GTPBP1: variants seen among roughly 807,000 people sequenced by gnomAD.
GTPBP1 encodes the protein GTP binding protein 1.
In GTPBP1, 23 loss-of-function variants were observed where a neutral mutation model predicts 62.0. The observed-to-expected ratio is 0.37, with a 90% CI of 0.27 to 0.53. The LOEUF (loss-of-function observed/expected upper bound fraction) is 0.53, where lower values mean the gene tolerates loss of function less well. Among genes scored for constraint, GTPBP1 ranks in the 20% least tolerant of loss-of-function variants. GTPBP1 has a pLI of 0.89. For synonymous variants in GTPBP1, 344 were observed against 364.4 expected, an observed-to-expected ratio of 0.94 and a Z score of 0.64; for missense variants, 640 against 917.3, an observed-to-expected ratio of 0.70 and a Z score of 3.90.
At position 38,728,058 on chromosome 22, in the gene GTPBP1, C is replaced by T; in HGVS notation, c.1613C>T (p.Ala538Val). 1 of 1,612,410 alleles carries T rather than the reference C, an allele frequency of 6.2e-7. No homozygotes were observed. The highest frequency in any genetic ancestry group is 8.5e-7 in the Non-Finnish European group (1 of 1,178,448). Reference sequence around the variant, plus strand: ...GACTGTCTGCGCACTGGGGACAAGGCCACTGTACACTTCCGCTTCATCAAG... The same window carrying T: ...GACTGTCTGCGCACTGGGGACAAGGTCACTGTACACTTCCGCTTCATCAAG... ...DKDCLRTGDK[A>V]TVHFRFIKTP... The change falls in exon 10 of 12, where the codon GCC becomes GTC. Residue 538 changes from alanine to valine, a missense_variant. By Grantham distance (64) the Ala-to-Val change is moderately conservative. Coordinates refer to ENST00000216044, the MANE Select transcript of GTPBP1 (RefSeq NM_004286.5).
At chr22:38,734,337 G>A (rs923228856), downstream of GTPBP1, 4 of 458,988 alleles carry the variant, frequency 8.7e-6, no homozygotes, top group African/African-American at 8.2e-5. Context: ...CAGGTCCAAG[G>A]GGCAAATAGC....
At chr22:38,738,678 A>G, downstream of GTPBP1, 1 of 1,613,866 alleles carries the variant, frequency 6.2e-7, no homozygotes, top group Non-Finnish European at 8.5e-7. The surrounding 1 kb of genome is among the most constrained non-coding windows in gnomAD (Gnocchi z 6.6). Flanking sequence ...TGTGGGGCGG[A>G]TGCGGGCAGA....
chr22:38,710,619 CA>C (rs149965335), intron 2 of GTPBP1, among the ~76,000 whole-genome samples: 27 of 145,874 alleles, frequency 1.9e-4, no homozygotes, highest in East Asian at 4.0e-4. Context: ...ATGCCAGGTT[CA>C]AAAAAAAAAC....
downstream of GTPBP1, chr22:38,735,012 G>A (rs1029981577): frequency 2.4e-5 from 7 of 289,128 alleles, no homozygotes; most frequent in South Asian, 8.4e-5. Context: ...CCCTCTCCAC[G>A]GCCAGGAACA....
In GTPBP1 at chr22:38,716,188, A is replaced by G. The variant is rs2092669437; in HGVS notation, c.485+101A>G. 1.0e-6 allele frequency: 1 copy of G among 957,140 alleles called. No individual in the cohort carries two copies. Among genetic ancestry groups the G allele is most frequent in the African/African-American group, 1.7e-5 (1 of 60,372 alleles). 59.3% of individuals were successfully genotyped at this position (957,140 alleles called of 1,614,324 possible). A position where few individuals can be genotyped will look rare whatever the true frequency, so the allele number is the denominator to read the frequency against. On this transcript the variant is annotated intron_variant, in intron 3 of 11. Transcript: ENST00000216044. The surrounding 1 kb of genome is among the most constrained non-coding windows in gnomAD (Gnocchi z 5.2). The stretch of plus-strand genomic sequence containing the variant: ...GTCAGCTCCATCCTTTCCCCTCCTG[A>G]GGCGGGGAAAGAGTGTCCAGGTGTC...
At chr22:38,717,559 C>T (rs1030001682) in intron 4 of GTPBP1, among the ~76,000 whole-genome samples, 3 of 152,204 alleles carry the variant, frequency 2.0e-5, no homozygotes, top group Non-Finnish European at 4.4e-5. Context: ...ATGAACAGGG[C>T]TGTCCAGAGG....
Position 38,716,910 on chromosome 22 carries a change from T to C in GTPBP1, c.744T>C (p.Ile248=). 2 of 1,614,086 alleles carry C rather than the reference T, an allele frequency of 1.2e-6. No homozygotes were observed. The change falls in exon 4 of 12, where the codon ATT becomes ATC. Residue 248 remains isoleucine (I), a synonymous_variant. Coordinates refer to ENST00000216044, the MANE Select transcript of GTPBP1 (RefSeq NM_004286.5). This position sits in a 1 kb window ranked among gnomAD's most constrained non-coding sequence, Gnocchi z 5.2. ...TKICEKSTKV[I]TFIDLAGHEK... Reference sequence around the variant, plus strand: ...TCTGTGAGAAGTCCACGAAAGTCATTACCTTCATCGACTTGGCTGGTCATG... The same window carrying C: ...TCTGTGAGAAGTCCACGAAAGTCATCACCTTCATCGACTTGGCTGGTCATG...
At position 38,715,934 on chromosome 22, in the gene GTPBP1, C is replaced by A. The variant is rs1177760296; in HGVS notation, c.332C>A (p.Ala111Asp). Reference sequence around the variant, plus strand: ...GGGACTGAGTATGGGCTGAGTGAAGCTGACATGGAGGCCTCCTACGCCACA... The same window carrying A: ...GGGACTGAGTATGGGCTGAGTGAAGATGACATGGAGGCCTCCTACGCCACA... ...SDGTEYGLSE[A>D]DMEASYATVK... Residue 111 changes from alanine (A) to aspartate (D), a missense_variant, in exon 3 of 12, where the codon GCT becomes GAT. Ala to Asp is a moderately radical substitution (Grantham distance 126). Transcript: ENST00000216044. The A allele has an allele frequency of 6.2e-7, 1 of 1,613,796 alleles. No individual in the cohort carries two copies. The highest frequency in any genetic ancestry group is 8.5e-7 in the Non-Finnish European group (1 of 1,179,906).
downstream of GTPBP1, among the ~76,000 whole-genome samples, chr22:38,733,980 G>A (rs1350786244): frequency 6.6e-6 from 1 of 152,216 alleles, no homozygotes; most frequent in Non-Finnish European, 1.5e-5. Flanking sequence ...GGCGTCAGAG[G>A]CAGAGCAGGT....
At chr22:38,742,799 G>A (rs779768618), downstream of GTPBP1, 32 of 509,250 alleles carry the variant, frequency 6.3e-5, no homozygotes, top group Non-Finnish European at 8.7e-5. Flanking sequence ...ACACAGTACC[G>A]AAGTCTGATC....
chr22:38,736,468 AGGG>A, downstream of GTPBP1: 4 of 1,099,258 alleles, frequency 3.6e-6, no homozygotes, highest in East Asian at 2.7e-5. Context: ...AGCCTCGCCT[AGGG>A]CCAGATGGCT....
rs1165819804 is a variant in GTPBP1, at chr22:38,705,944, A to G, written c.-12A>G. The G allele has an allele frequency of 1.4e-6, 2 of 1,405,460 alleles. No homozygotes were observed. The highest frequency in any genetic ancestry group is 2.8e-5 in the South Asian group (2 of 71,188). The allele number at this position is 1,405,460 out of a possible 1,614,324, so 87.1% of individuals were successfully genotyped here. A position where few individuals can be genotyped will look rare whatever the true frequency, so the allele number is the denominator to read the frequency against. ...AGGGAAGCCGGCTACGAATTAGCCT[A>G]AGTTATTAAAGATGGCGACGGAGCG... On this transcript the variant is annotated 5_prime_UTR_variant, in exon 1 of 12. Coordinates refer to ENST00000216044, the MANE Select transcript of GTPBP1 (RefSeq NM_004286.5).
At chr22:38,738,561 G>A (rs2092827262), downstream of GTPBP1, 1 of 1,603,824 alleles carries the variant, frequency 6.2e-7, no homozygotes, top group Non-Finnish European at 8.5e-7. The surrounding 1 kb of genome is among the most constrained non-coding windows in gnomAD (Gnocchi z 6.6). Flanking sequence ...CAGCCCCTCT[G>A]GCCCCACCAC....
intron 5 of GTPBP1, 150 bp downstream of exon 5, chr22:38,722,015 A>G (rs2092703173): frequency 2.2e-6 from 1 of 459,420 alleles, no homozygotes; most frequent in Non-Finnish European, 3.7e-6. Flanking sequence ...TATTTTTATT[A>G]TGTGCTCTAC....
In GTPBP1 at chr22:38,726,581, C is replaced by T; in HGVS notation, c.1401+141C>T. On this transcript the variant is annotated intron_variant, in intron 8 of 11. Coordinates refer to ENST00000216044, the MANE Select transcript of GTPBP1 (RefSeq NM_004286.5). The surrounding 1 kb of genome is among the most constrained non-coding windows in gnomAD (Gnocchi z 4.1). ...GGCTTCATTTTTACAGATGAGGAAA[C>T]TGAGGCTCAGAGCCCAGGGACTTGC... 1.4e-6 allele frequency: 1 copy of T among 720,860 alleles called. No homozygotes were observed. The allele number at this position is 720,860 out of a possible 1,614,324, so 44.7% of individuals were successfully genotyped here.
At chr22:38,710,596 GA>G (rs1341483520) in intron 2 of GTPBP1, among the ~76,000 whole-genome samples, 1 of 152,044 alleles carries the variant, frequency 6.6e-6, no homozygotes, top group Non-Finnish European at 1.5e-5. Context: ...AAGTGCTACA[GA>G]GGCAGCAATG....
downstream of GTPBP1, chr22:38,741,658 A>G (rs979801144): frequency 4.6e-6 from 6 of 1,298,718 alleles, no homozygotes; most frequent in Non-Finnish European, 6.6e-6. Context: ...CTGGAATTCA[A>G]ACAAGGTCTG....
chr22:38,717,387 C>G (rs1186368090), intron 4 of GTPBP1, among the ~76,000 whole-genome samples: 1 of 152,086 alleles, frequency 6.6e-6, no homozygotes, highest in Non-Finnish European at 1.5e-5. Flanking sequence ...GAGGGGCAGG[C>G]CTGGGGAAGA....
intron 6 of GTPBP1, 82 bp from the exon 7 acceptor site, chr22:38,725,924 C>G: frequency 1.5e-6 from 2 of 1,334,140 alleles, no homozygotes; most frequent in Non-Finnish European, 2.1e-6. Flanking sequence ...AGCCCTGTTG[C>G]TGCCCCTGGT....
Sources: allele counts gnomAD v4.1 joint callset (sites outside exome capture counted in the v4.1 genomes callset), GRCh38; gene constraint gnomAD v4.1.1; non-coding constraint Gnocchi (gnomAD v3.1); transcripts MANE v1.5; gene names NCBI Gene and HGNC (gene_info 2026-07-23, HGNC 2026-07-21).